ZNF644: variants seen among roughly 807,000 people sequenced by gnomAD.
ZNF644 encodes zinc finger motif enhancer binding protein 2.
Under a neutral mutation model 108.0 loss-of-function variants are expected in ZNF644, and 20 were observed. The observed-to-expected ratio is 0.19, with a 90% CI of 0.13 to 0.27. ZNF644 has a LOEUF of 0.27. Ranked by LOEUF, ZNF644 falls within the 10% of genes least tolerant of loss-of-function variation. ZNF644 has a pLI of 1.00. For synonymous variants in ZNF644, 542 were observed against 539.1 expected, an observed-to-expected ratio of 1.01 and a Z score of -0.08; for missense variants, 1,338 against 1,548.9, an observed-to-expected ratio of 0.86 and a Z score of 2.29.
intron 2 of ZNF644, among the ~76,000 whole-genome samples, chr1:90,943,862 T>A (rs1402946568): frequency 6.6e-6 from 1 of 152,234 alleles, no homozygotes; most frequent in Non-Finnish European, 1.5e-5. Flanking sequence ...CATTCATTCC[T>A]GATATTTCTC....
chr1:91,008,047 C>T (rs1177204071), intron 1 of ZNF644, among the ~76,000 whole-genome samples: 3 of 152,150 alleles, frequency 2.0e-5, no homozygotes, highest in Non-Finnish European at 4.4e-5. Context: ...AATCTCACAG[C>T]TAGATGGGGC....
At chr1:90,937,081 G>C (rs1267769741) in intron 4 of ZNF644, among the ~76,000 whole-genome samples, 1 of 152,090 alleles carries the variant, frequency 6.6e-6, no homozygotes, top group Non-Finnish European at 1.5e-5. Flanking sequence ...GATCACCTTG[G>C]AGAACTGGCA....
intron 2 of ZNF644, among the ~76,000 whole-genome samples, chr1:90,943,985 A>G (rs1652270673): frequency 6.6e-6 from 1 of 152,224 alleles, no homozygotes; most frequent in Admixed American, 6.5e-5. Context: ...GTTCCCACTT[A>G]TTATAATCAC....
intron 1 of ZNF644, among the ~76,000 whole-genome samples, chr1:91,002,558 C>T (rs960599683): frequency 4.6e-5 from 7 of 152,292 alleles, no homozygotes; most frequent in African/African-American, 1.7e-4. Flanking sequence ...ACATGTTAGA[C>T]CTAAAACCAC....
At chr1:90,959,125 A>T (rs1570436116) in intron 2 of ZNF644, among the ~76,000 whole-genome samples, 1 of 152,218 alleles carries the variant, frequency 6.6e-6, no homozygotes, top group East Asian at 1.9e-4. Context: ...TTCTCAAAAA[A>T]AGATATATAA....
chr1:91,012,943 C>T (rs560166595), intron 1 of ZNF644, among the ~76,000 whole-genome samples: 13 of 152,328 alleles, frequency 8.5e-5, no homozygotes, highest in African/African-American at 2.6e-4. Flanking sequence ...TTGTTAATCA[C>T]AGAACATCAA....
chr1:90,918,078 A>T lies in ZNF644; in HGVS notation c.3765T>A (p.Ala1255=). The T allele has an allele frequency of 6.2e-7, 1 of 1,614,070 alleles. No individual in the cohort carries two copies. The highest frequency in any genetic ancestry group is 1.3e-5 in the African/African-American group (1 of 75,060). ...KKKMLTLPHG[A]DEVYILRCRF... is the part of the protein sequence containing the mutation. ...TGCATCGGAGAATGTAAACCTCGTC[A>T]GCACCATGAGGTAATGTTAGCATTT... Residue 1255 remains alanine, a synonymous_variant, in exon 5 of 6, where the codon GCT becomes GCA. Transcript: ENST00000337393.
chr1:90,932,541 A>G (rs1297659524), intron 4 of ZNF644, among the ~76,000 whole-genome samples: 1 of 152,214 alleles, frequency 6.6e-6, no homozygotes, highest in African/African-American at 2.4e-5. Context: ...ATATGAATTA[A>G]TGAATCACTT....
Position 90,970,998 on chromosome 1 carries a change from C to CAAA in ZNF644, c.44+11309_44+11311dup, listed in dbSNP as rs61253802. On this transcript the variant is annotated intron_variant, in intron 2 of 5. Transcript: ENST00000337393. ...CTAGCAATGGAGCGAGACTCCATTT[C>CAAA]AAAAAAAAAAAAAAAAAAAACACTA... 5.9e-4 allele frequency among the ~76,000 whole-genome samples: 55 copies of CAAA among 92,796 alleles called. 1 individual carries two copies. Among genetic ancestry groups the CAAA allele is most frequent in the East Asian group, 9.8e-4 (3 of 3,064 alleles). 60.9% of individuals were successfully genotyped at this position (92,796 alleles called of 152,430 possible).
chr1:90,994,822 TAC>T (rs925363469), intron 1 of ZNF644, among the ~76,000 whole-genome samples: 2 of 152,004 alleles, frequency 1.3e-5, no homozygotes, highest in Non-Finnish European at 2.9e-5. Flanking sequence ...ACAACCAACT[TAC>T]TCAGACACTG....
intron 1 of ZNF644, among the ~76,000 whole-genome samples, chr1:91,000,168 C>T (rs1273824240): frequency 6.6e-6 from 1 of 152,192 alleles, no homozygotes; most frequent in Non-Finnish European, 1.5e-5. Context: ...GAATTGAACT[C>T]AGCTCTGCAT....
chr1:90,971,288 G>A (rs1312578453), intron 2 of ZNF644, among the ~76,000 whole-genome samples: 1 of 145,416 alleles, frequency 6.9e-6, no homozygotes, highest in African/African-American at 2.6e-5. Flanking sequence ...AAAAACCCAT[G>A]ACCATCACAA....
chr1:90,989,811 C>A (rs1657461334), intron 1 of ZNF644, among the ~76,000 whole-genome samples: 1 of 152,186 alleles, frequency 6.6e-6, no homozygotes, highest in Non-Finnish European at 1.5e-5. Flanking sequence ...AATCCCACTT[C>A]TGGGCATATA....
chr1:90,923,060 G>A (rs370642896), intron 4 of ZNF644, among the ~76,000 whole-genome samples: 1 of 152,242 alleles, frequency 6.6e-6, no homozygotes. Context: ...GCCAATTGCT[G>A]AGAAGCCAAA....
chr1:90,937,955 T>G lies in ZNF644; in HGVS notation c.3218A>C (p.Lys1073Thr). 1.2e-6 allele frequency: 2 copies of G among 1,613,224 alleles called. No homozygotes were observed. Among genetic ancestry groups the G allele is most frequent in the Non-Finnish European group, 8.5e-7 (1 of 1,179,876 alleles). The change falls in exon 4 of 6, where the codon AAA (lysine) becomes ACA (threonine). Residue 1073 changes from lysine (K) to threonine (T), a missense_variant. Physicochemically the swap from Lys to Thr is moderately conservative, Grantham distance 78. This residue lies in a region of ZNF644 where 287 missense variants were observed against 310.9 expected (regional missense o/e 0.92). Transcript: ENST00000337393. ...RLGKTKWDAH[K>T]SPICVLNEMM... ...CTCATTCAGAACACAGATTGGAGAT[T>G]TGTGAGCATCCCATTTCGTCTTTCC...
chr1:90,920,455 T>C (rs959590835), intron 4 of ZNF644, among the ~76,000 whole-genome samples: 2 of 151,944 alleles, frequency 1.3e-5, no homozygotes, highest in African/African-American at 4.8e-5. Context: ...TACAAAAGCA[T>C]TTAAATTTAC....
chr1:90,934,950 G>A (rs1389272261), intron 4 of ZNF644, among the ~76,000 whole-genome samples: 2 of 152,178 alleles, frequency 1.3e-5, no homozygotes, highest in East Asian at 3.9e-4. Context: ...GGAGTGCAGT[G>A]ACTATTCACA....
rs762794577 is a variant in ZNF644, at chr1:90,940,801, T to C, written c.553A>G (p.Lys185Glu). The change falls in exon 3 of 6, where the codon AAG (lysine) becomes GAG (glutamate). Residue 185 changes from lysine to glutamate, a missense_variant. Physicochemically the swap from Lys to Glu is moderately conservative, Grantham distance 56 (BLOSUM62 1). Transcript: ENST00000337393. ...LFLLSDVAHA[K>E]NPTHSNKKLP... ...TTTTTATTGGAATGGGTGGGATTCT[T>C]AGCATGTGCTACATCTGATAACAAA... 2 of 1,613,882 alleles carry C rather than the reference T, an allele frequency of 1.2e-6. No homozygotes were observed. The highest frequency in any genetic ancestry group is 1.3e-5 in the African/African-American group (1 of 74,934).
chr1:90,938,052 G>C lies in ZNF644; in HGVS notation c.3121C>G (p.Gln1041Glu). Residue 1041 changes from glutamine (Q) to glutamate (E), a missense_variant, in exon 4 of 6, where the codon CAG (glutamine) becomes GAG (glutamate). Physicochemically the swap from Gln to Glu is conservative, Grantham distance 29 (BLOSUM62 2). This residue lies in a region of ZNF644 where 287 missense variants were observed against 310.9 expected (regional missense o/e 0.92). Transcript: ENST00000337393. The surrounding 1 kb of genome is among the most constrained non-coding windows in gnomAD (Gnocchi z 4.2). The part of the protein sequence containing the change: ...KSETTSEHTC[Q>E]LCGGWFDTKI... ...GTATCAAACCAACCACCACAGAGCT[G>C]ACAAGTGTGTTCAGAAGTGGTTTCA... 3 of 1,610,678 alleles carry C rather than the reference G, an allele frequency of 1.9e-6. No homozygotes were observed. The highest frequency in any genetic ancestry group is 2.5e-6 in the Non-Finnish European group (3 of 1,179,804).
Sources: allele counts gnomAD v4.1 joint callset (sites outside exome capture counted in the v4.1 genomes callset), GRCh38; gene constraint gnomAD v4.1.1; regional missense constraint gnomAD v4.1.1; non-coding constraint Gnocchi (gnomAD v3.1); transcripts MANE v1.5; gene names NCBI Gene and HGNC (gene_info 2026-07-23, HGNC 2026-07-21).